NIBAN2: variants seen among roughly 807,000 people sequenced by gnomAD.
NIBAN2 encodes niban apoptosis regulator 2.
A neutral mutation model predicts 81.8 loss-of-function variants in NIBAN2; 36 were observed. The observed-to-expected ratio is 0.44, with a 90% confidence interval of 0.34 to 0.58. The LOEUF (loss-of-function observed/expected upper bound fraction) is 0.58. NIBAN2 is among the 20% of genes least tolerant of loss of function. The pLI is 0.02. For synonymous variants in NIBAN2, 445 were observed against 441.6 expected, an observed-to-expected ratio of 1.01 and a Z score of -0.10; for missense variants, 897 against 1,014.1, an observed-to-expected ratio of 0.88 and a Z score of 1.57.
chr9:127,577,421 A>G (rs1354686925), intron 1 of NIBAN2, among the ~76,000 whole-genome samples: 176 of 122,724 alleles, frequency 1.4e-3, no homozygotes, highest in African/African-American at 2.1e-3. Flanking sequence ...AATACCCCAC[A>G]CTTCCCACAC....
chr9:127,530,569 A>C (rs1352879004), intron 2 of NIBAN2, among the ~76,000 whole-genome samples: 1 of 152,092 alleles, frequency 6.6e-6, no homozygotes, highest in Non-Finnish European at 1.5e-5. Context: ...GGCTGGAGCC[A>C]GGCAGCTTCT....
intron 1 of NIBAN2, among the ~76,000 whole-genome samples, chr9:127,577,270 T>C (rs1005250640): frequency 3.9e-5 from 6 of 152,106 alleles, no homozygotes; most frequent in Admixed American, 2.6e-4. Context: ...ATTGCGCCAC[T>C]GTACTGCAGC....
At chr9:127,527,744 C>T (rs1837103403) in intron 2 of NIBAN2, among the ~76,000 whole-genome samples, 1 of 152,254 alleles carries the variant, frequency 6.6e-6, no homozygotes, top group Non-Finnish European at 1.5e-5. Flanking sequence ...ACGGGGGACA[C>T]ACCCACAGGC....
rs564503620 is a variant in NIBAN2 at position 127,559,650 on chromosome 9, T to C, written c.55+9170A>G. ...TGGGAAAGATGGACAGCAGCTGCAG[T>C]TGGCTTGGCCACAGATGGGCAGGTG... On this transcript the variant is annotated intron_variant, in intron 1 of 13. Transcript: ENST00000373312. The surrounding 1 kb of genome is among the most constrained non-coding windows in gnomAD (Gnocchi z 4.0). Among the ~76,000 whole-genome samples the C allele has an allele frequency of 1.8e-4, 28 of 152,326 alleles. No individual in the cohort carries two copies. The highest frequency in any genetic ancestry group is 6.7e-4 in the African/African-American group (28 of 41,566).
chr9:127,550,344 C>T (rs1477008512), intron 1 of NIBAN2, among the ~76,000 whole-genome samples: 4 of 152,220 alleles, frequency 2.6e-5, no homozygotes, highest in Non-Finnish European at 5.9e-5. Context: ...GACCTGAGTC[C>T]TAACTGCCAG....
At chr9:127,573,543 A>T (rs1453789907), upstream of NIBAN2, among the ~76,000 whole-genome samples, 1 of 151,804 alleles carries the variant, frequency 6.6e-6, no homozygotes, top group Non-Finnish European at 1.5e-5. Context: ...TCAACTCTAA[A>T]ATGCTGGAAA....
In NIBAN2 at chr9:127,508,959, C is replaced by T. The variant is rs748493215; in HGVS notation, c.1317+17G>A. ...AGTGGACAGGGTGTGGGGTGGGGGT[C>T]GTAGCCTCGGGTCTACCTCCCGCAT... On this transcript the variant is annotated intron_variant, in intron 10 of 13. Coordinates refer to ENST00000373312, the MANE Select transcript of NIBAN2 (RefSeq NM_022833.4). This position sits in a 1 kb window ranked among gnomAD's most constrained non-coding sequence, Gnocchi z 6.4. 2.8e-5 allele frequency: 45 copies of T among 1,612,990 alleles called. 1 individual carries two copies. Among genetic ancestry groups the T allele is most frequent in the Admixed American group, 3.3e-5 (2 of 59,986 alleles).
chr9:127,566,378 G>A (rs538267396), intron 1 of NIBAN2, among the ~76,000 whole-genome samples: 5 of 152,242 alleles, frequency 3.3e-5, no homozygotes, highest in Admixed American at 6.5e-5. Context: ...TCTTCCTCAC[G>A]GCACACTGCC....
chr9:127,559,590 G>A lies in NIBAN2; in HGVS notation c.55+9230C>T, dbSNP rs1341089535. Among the ~76,000 whole-genome samples, 7 of 152,290 alleles carry A rather than the reference G, an allele frequency of 4.6e-5. No individual in the cohort carries two copies. The highest frequency in any genetic ancestry group is 2.1e-4 in the South Asian group (1 of 4,826). On this transcript the variant is annotated intron_variant, in intron 1 of 13. Coordinates refer to ENST00000373312, the MANE Select transcript of NIBAN2 (RefSeq NM_022833.4). This position sits in a 1 kb window ranked among gnomAD's most constrained non-coding sequence, Gnocchi z 4.0. ...AGAAGGTGCTAAGCTTCACAAATTCGGCTGGACACAAATAGTTCTGCTCAG... is the reference window on the plus strand; with the variant it reads ...AGAAGGTGCTAAGCTTCACAAATTCAGCTGGACACAAATAGTTCTGCTCAG...
At chr9:127,527,916 G>C (rs1837107146) in intron 2 of NIBAN2, among the ~76,000 whole-genome samples, 1 of 152,088 alleles carries the variant, frequency 6.6e-6, no homozygotes, top group Non-Finnish European at 1.5e-5. Context: ...GGAATGGAGG[G>C]GGCCTCTGTC....
upstream of NIBAN2, among the ~76,000 whole-genome samples, chr9:127,571,184 T>C (rs955045670): frequency 4.7e-5 from 7 of 149,278 alleles, no homozygotes; most frequent in Non-Finnish European, 5.9e-5. Context: ...CACCCAAGCC[T>C]GGAACACCCA....
At position 127,526,398 on chromosome 9, in the gene NIBAN2, C is replaced by CAAA. The variant is rs71495649; in HGVS notation, c.315+793_315+795dup. ...CTGGCGACAGAGCTAGACTTCATCT[C>CAAA]AAAAAAAAAAAAAAAAAGAAAAAAA... On this transcript the variant is annotated intron_variant, in intron 3 of 13. Transcript: ENST00000373312. 2.3e-3 allele frequency among the ~76,000 whole-genome samples: 212 copies of CAAA among 92,512 alleles called. 1 individual carries two copies. Among genetic ancestry groups the CAAA allele is most frequent in the African/African-American group, 8.0e-3 (186 of 23,332 alleles). The allele number at this position is 92,512 out of a possible 152,430, so 60.7% of individuals were successfully genotyped here.
chr9:127,507,413 A>G lies in NIBAN2; in HGVS notation c.1673T>C (p.Val558Ala). Residue 558 changes from valine to alanine, a missense_variant, in exon 14 of 14, where the codon GTG becomes GCG. Transcript: ENST00000373312. This position sits in a 1 kb window ranked among gnomAD's most constrained non-coding sequence, Gnocchi z 6.8. The part of the protein sequence containing the change: ...DILQAVKEAA[V>A]QRKHNLYRDS... ...CCGGTAGAGGTTGTGCTTCCTCTGC[A>G]CCGCGGCCTCCTTCACAGCTACAGG... 6.6e-7 allele frequency: 1 copy of G among 1,512,770 alleles called. No individual in the cohort carries two copies. Among genetic ancestry groups the G allele is most frequent in the East Asian group, 2.3e-5 (1 of 43,828 alleles). 93.7% of individuals were successfully genotyped at this position (1,512,770 alleles called of 1,614,324 possible).
chr9:127,526,416 GA>G (rs1164064706), intron 3 of NIBAN2, among the ~76,000 whole-genome samples: 1 of 114,514 alleles, frequency 8.7e-6, no homozygotes, highest in African/African-American at 3.2e-5. Context: ...AAAAAAAAAA[GA>G]AAAAAAAAAG....
At chr9:127,550,398 C>T (rs376430422) in intron 1 of NIBAN2, among the ~76,000 whole-genome samples, 2 of 152,256 alleles carry the variant, frequency 1.3e-5, no homozygotes, top group Non-Finnish European at 2.9e-5. Flanking sequence ...TGCCAGCTCG[C>T]TCACACAGGT....
rs1412597561 is a variant in NIBAN2, at chr9:127,505,800, G to C, written c.*1045C>G. On this transcript the variant is annotated 3_prime_UTR_variant, in exon 14 of 14. Coordinates refer to ENST00000373312, the MANE Select transcript of NIBAN2 (RefSeq NM_022833.4). The stretch of plus-strand genomic sequence containing the variant: ...GTGACTCACAAGGACATCCAAAGAA[G>C]GGACTGGATTTTCAGAGGGAGGTGA... 1 of 152,626 alleles carries C rather than the reference G, an allele frequency of 6.6e-6. No homozygotes were observed. The highest frequency in any genetic ancestry group is 1.5e-5 in the Non-Finnish European group (1 of 68,404). 9.5% of individuals were successfully genotyped at this position (152,626 alleles called of 1,614,324 possible). A position where few individuals can be genotyped will look rare whatever the true frequency, so the allele number is the denominator to read the frequency against.
chr9:127,548,438 A>G (rs1463572280), intron 1 of NIBAN2, among the ~76,000 whole-genome samples: 4 of 152,158 alleles, frequency 2.6e-5, no homozygotes, highest in Admixed American at 1.3e-4. Context: ...GTCCTCGTCC[A>G]GCTCTGCCGC....
intron 5 of NIBAN2, among the ~76,000 whole-genome samples, chr9:127,518,262 C>T (rs996312708): frequency 6.6e-6 from 1 of 152,168 alleles, no homozygotes; most frequent in East Asian, 1.9e-4. Flanking sequence ...AAGAGACAAC[C>T]GTTAGGGGAC....
intron 1 of NIBAN2, among the ~76,000 whole-genome samples, chr9:127,561,535 T>C (rs1239066896): frequency 6.6e-6 from 1 of 152,188 alleles, no homozygotes; most frequent in Non-Finnish European, 1.5e-5. Flanking sequence ...ACAGGTTGAC[T>C]AACTTGCCCC....
Sources: allele counts gnomAD v4.1 joint callset (sites outside exome capture counted in the v4.1 genomes callset), GRCh38; gene constraint gnomAD v4.1.1; non-coding constraint Gnocchi (gnomAD v3.1); transcripts MANE v1.5; gene names NCBI Gene and HGNC (gene_info 2026-07-23, HGNC 2026-07-21).